The following CADM2 variants were observed in gnomAD, a reference collection of about 807,000 sequenced individuals.
The protein encoded by CADM2 is immunoglobulin superfamily member 4D.
In CADM2, 12 loss-of-function variants were observed where a neutral mutation model predicts 49.8. That is an observed-to-expected ratio of 0.24 (90% CI 0.15 to 0.39). The LOEUF is 0.39. Ranked by LOEUF, CADM2 falls within the 10% of genes least tolerant of loss-of-function variation. The pLI is 1.00. For synonymous variants in CADM2, 214 were observed against 175.4 expected (o/e 1.22, Z -1.74); for missense variants, 378 against 492.3 (o/e 0.77, Z 2.20).
chr3:85,946,000 C>T (rs546220053), intron 7 of CADM2, among the ~76,000 whole-genome samples: 1 of 152,120 alleles, frequency 6.6e-6, no homozygotes. Context: ...TCCCTGTTTG[C>T]AGACGACATG....
At chr3:86,040,424 T>A (rs909158019) in intron 8 of CADM2, among the ~76,000 whole-genome samples, 7 of 152,156 alleles carry the variant, frequency 4.6e-5, no homozygotes, top group African/African-American at 1.4e-4. Context: ...GTATGAGAAC[T>A]ATGTGACAAA....
Position 86,072,100 on chromosome 3 carries a change from A to C in CADM2, c.*5317A>C, listed in dbSNP as rs1200841151. 1 of 151,956 alleles carries C rather than the reference A, an allele frequency of 6.6e-6. No homozygotes were observed. The highest frequency in any genetic ancestry group is 2.4e-5 in the African/African-American group (1 of 41,440). 9.4% of individuals were successfully genotyped at this position (151,956 alleles called of 1,614,324 possible). On this transcript the variant is annotated 3_prime_UTR_variant, in exon 10 of 10. Transcript: ENST00000383699. ...ATTTTGTCTGCATAGACATATTAAG[A>C]ATTTTTCAATGATGTAATTTAATTA...
At chr3:85,587,967 A>G (rs1312809107) in intron 1 of CADM2, among the ~76,000 whole-genome samples, 1 of 151,970 alleles carries the variant, frequency 6.6e-6, no homozygotes, top group Non-Finnish European at 1.5e-5. Context: ...GGGTTTTGCC[A>G]TGTTGCCCAA....
At chr3:85,013,826 A>T (rs2034111531) in intron 1 of CADM2, among the ~76,000 whole-genome samples, 2 of 147,662 alleles carry the variant, frequency 1.4e-5, no homozygotes, top group African/African-American at 4.9e-5. Context: ...ATTATAATTA[A>T]TTAATATTAA....
At chr3:85,946,374 A>C (rs1356715467) in intron 7 of CADM2, among the ~76,000 whole-genome samples, 1 of 151,842 alleles carries the variant, frequency 6.6e-6, no homozygotes, top group Non-Finnish European at 1.5e-5. Context: ...TTATAGATTC[A>C]ATGCCATCCC....
intron 6 of CADM2, among the ~76,000 whole-genome samples, chr3:85,934,031 C>T (rs902787233): frequency 1.3e-5 from 2 of 152,010 alleles, no homozygotes; most frequent in African/African-American, 4.8e-5. Context: ...AGCTGGACTC[C>T]CCAAGGCACA....
chr3:85,821,098 A>C (rs894062178), intron 3 of CADM2, among the ~76,000 whole-genome samples: 1 of 152,076 alleles, frequency 6.6e-6, no homozygotes, highest in Admixed American at 6.6e-5. Context: ...ATCCAGAAAA[A>C]AATAATTCTA....
At chr3:85,252,972 A>G (rs1357605913) in intron 1 of CADM2, among the ~76,000 whole-genome samples, 2 of 152,054 alleles carry the variant, frequency 1.3e-5, no homozygotes, top group Non-Finnish European at 2.9e-5. Flanking sequence ...AGTAAGTTTT[A>G]TTTCTTTTCC....
intron 1 of CADM2, among the ~76,000 whole-genome samples, chr3:85,168,149 G>A (rs1000228803): frequency 2.0e-5 from 3 of 151,976 alleles, no homozygotes; most frequent in Non-Finnish European, 4.4e-5. Flanking sequence ...TCCACCTCCC[G>A]GATTCCAGTG....
intron 7 of CADM2, among the ~76,000 whole-genome samples, chr3:85,953,169 C>CT (rs1173811146): frequency 6.6e-6 from 1 of 150,850 alleles, no homozygotes; most frequent in Non-Finnish European, 1.5e-5. Flanking sequence ...TAAAATAATA[C>CT]TTTTTCATGT....
chr3:85,499,878 A>C (rs2040046014), intron 1 of CADM2, among the ~76,000 whole-genome samples: 1 of 152,128 alleles, frequency 6.6e-6, no homozygotes, highest in Non-Finnish European at 1.5e-5. Flanking sequence ...ACATCACATG[A>C]ATTAAACCTT....
At chr3:85,825,743 T>C (rs1349310421) in intron 3 of CADM2, among the ~76,000 whole-genome samples, 1 of 152,148 alleles carries the variant, frequency 6.6e-6, no homozygotes, top group African/African-American at 2.4e-5. Context: ...TTAAAAATGT[T>C]ATGACAGCCA....
At chr3:85,347,157 G>A (rs907102507) in intron 1 of CADM2, among the ~76,000 whole-genome samples, 1 of 127,108 alleles carries the variant, frequency 7.9e-6, no homozygotes, top group Non-Finnish European at 1.6e-5. Flanking sequence ...AGCCGGCAGA[G>A]GTTTTGGTGA....
intron 1 of CADM2, among the ~76,000 whole-genome samples, chr3:85,622,841 C>T (rs1001139846): frequency 6.6e-6 from 1 of 152,098 alleles, no homozygotes; most frequent in Non-Finnish European, 1.5e-5. Context: ...AACACACATT[C>T]TTTTCTCATG....
chr3:85,229,996 G>A (rs867462295), intron 1 of CADM2, among the ~76,000 whole-genome samples: 1 of 152,050 alleles, frequency 6.6e-6, no homozygotes, highest in Non-Finnish European at 1.5e-5. Flanking sequence ...AAGACACGTG[G>A]GTCTCAGGAT....
chr3:85,745,039 T>A (rs1175589154), intron 2 of CADM2, among the ~76,000 whole-genome samples: 1 of 152,046 alleles, frequency 6.6e-6, no homozygotes, highest in Admixed American at 6.6e-5. Flanking sequence ...TGAGAAGAAA[T>A]TGCATTTAAT....
chr3:86,014,569 T>G (rs1731969247), intron 8 of CADM2: 1 of 1,596,630 alleles, frequency 6.3e-7, no homozygotes, highest in Non-Finnish European at 8.6e-7. Flanking sequence ...AAAGAAACAC[T>G]AAGTGTCCCA....
intron 1 of CADM2, among the ~76,000 whole-genome samples, chr3:85,537,774 A>G (rs983815013): frequency 2.6e-5 from 4 of 151,986 alleles, no homozygotes; most frequent in African/African-American, 9.7e-5. Flanking sequence ...AATGTTACCT[A>G]TGACTCCATG....
intron 1 of CADM2, among the ~76,000 whole-genome samples, chr3:85,533,127 C>G (rs749661419): frequency 6.6e-6 from 1 of 152,116 alleles, no homozygotes; most frequent in Non-Finnish European, 1.5e-5. Context: ...ATGTAACAAA[C>G]CTGTACATCT....
Sources: gnomAD v4.1 joint callset for allele counts (sites outside exome capture counted in the v4.1 genomes callset) on GRCh38, gnomAD v4.1.1 for gene constraint, MANE v1.5 for transcripts, NCBI Gene and HGNC (gene_info 2026-07-23, HGNC 2026-07-21) for gene names.